CDH2: variants seen among roughly 807,000 people sequenced by gnomAD.
CDH2 encodes cadherin-2.
Under a neutral mutation model 92.0 loss-of-function variants are expected in CDH2, and 17 were observed. The ratio of observed to expected loss-of-function variants is 0.18; its 90% confidence interval spans 0.13 to 0.28. CDH2 has a LOEUF of 0.28. CDH2 is among the 10% of genes least tolerant of loss of function. The probability of loss-of-function intolerance (pLI) is 1.00; values close to 1 mark genes in which losing one functional copy is unlikely to be tolerated. For synonymous variants in CDH2, 419 were observed against 415.9 expected (o/e 1.01, Z -0.09); for missense variants, 862 against 1,133.1 (o/e 0.76, Z 3.44).
chr18:27,956,102 T>C (rs2143864338), intron 15 of CDH2, among the ~76,000 whole-genome samples: 1 of 152,312 alleles, frequency 6.6e-6, no homozygotes, highest in African/African-American at 2.4e-5. Context: ...TGAGTGAATG[T>C]ACAGAAGAAA....
chr18:28,145,070 T>C (rs745945461), intron 2 of CDH2, among the ~76,000 whole-genome samples: 31 of 152,248 alleles, frequency 2.0e-4, no homozygotes, highest in Admixed American at 3.3e-4. Context: ...GCAAAGATTA[T>C]GTTAATTGTT....
At chr18:27,967,358 A>G (rs1319502679) in intron 14 of CDH2, among the ~76,000 whole-genome samples, 1 of 152,194 alleles carries the variant, frequency 6.6e-6, no homozygotes, top group Non-Finnish European at 1.5e-5. Flanking sequence ...ACGCTCCCTA[A>G]TTATACATCT....
intron 2 of CDH2, 80 bp from the exon 3 acceptor site, chr18:28,013,989 TCCTG>T: frequency 1.1e-6 from 1 of 911,138 alleles, no homozygotes; most frequent in Non-Finnish European, 1.7e-6. Context: ...TAAACCTATA[TCCTG>T]CTTAGGTTAA....
chr18:28,135,638 A>G (rs1272766305), intron 2 of CDH2, among the ~76,000 whole-genome samples: 2 of 152,228 alleles, frequency 1.3e-5, no homozygotes, highest in Admixed American at 6.5e-5. Flanking sequence ...TTCTGCATCA[A>G]TAGAATATAG....
intron 2 of CDH2, among the ~76,000 whole-genome samples, chr18:28,025,000 T>C (rs546432532): frequency 6.6e-6 from 1 of 152,290 alleles, no homozygotes; most frequent in African/African-American, 2.4e-5. Context: ...ACTTCTATTT[T>C]AGAATAGTGA....
intron 15 of CDH2, among the ~76,000 whole-genome samples, chr18:27,953,558 G>A (rs1262778035): frequency 1.3e-5 from 2 of 152,128 alleles, no homozygotes; most frequent in Non-Finnish European, 2.9e-5. Flanking sequence ...CAATACACAT[G>A]CATTTTATGA....
chr18:28,066,445 A>G (rs1469864404), intron 2 of CDH2, among the ~76,000 whole-genome samples: 5 of 152,138 alleles, frequency 3.3e-5, no homozygotes, highest in Admixed American at 3.3e-4. Context: ...TTAAGAATTA[A>G]TTTTCAGAAT....
chr18:28,117,971 T>C (rs914818546), intron 2 of CDH2, among the ~76,000 whole-genome samples: 2 of 152,120 alleles, frequency 1.3e-5, no homozygotes, highest in African/African-American at 4.8e-5. Context: ...CTTAAGGGCT[T>C]CATCTGACTT....
chr18:28,173,693 C>G (rs2016496823), intron 1 of CDH2, among the ~76,000 whole-genome samples: 1 of 152,064 alleles, frequency 6.6e-6, no homozygotes, highest in Non-Finnish European at 1.5e-5. Context: ...CTAGATGCCC[C>G]ATAACCCATA....
intron 2 of CDH2, among the ~76,000 whole-genome samples, chr18:28,118,942 A>C (rs1161382074): frequency 6.6e-6 from 1 of 152,112 alleles, no homozygotes; most frequent in Non-Finnish European, 1.5e-5. Context: ...ATCTCTAATT[A>C]AATAGACATA....
chr18:27,993,635 T>C lies in CDH2; in HGVS notation c.1023A>G (p.Lys341=), dbSNP rs760831255. 8.1e-6 allele frequency: 13 copies of C among 1,606,318 alleles called. No homozygotes were observed. In the African/African-American group the frequency reaches 1.1e-4, roughly 13 times the overall value. The change falls in exon 8 of 16, where the codon AAA becomes AAG. Residue 341 remains lysine (K), a splice_region_variant and synonymous_variant. Transcript: ENST00000269141. ...GAATTATTAACGTATACTGTTGCACTTTCTAAAAAGACATAAAGATAAGAA... is the reference window on the plus strand; with the variant it reads ...GAATTATTAACGTATACTGTTGCACCTTCTAAAAAGACATAAAGATAAGAA... ...ITVAAGLDRE[K]VQQYTLIIQA...
At position 27,990,264 on chromosome 18, in the gene CDH2, G is replaced by C. The variant is rs1628684; in HGVS notation, c.1431C>G (p.Pro477=). The change falls in exon 10 of 16, where the codon CCC becomes CCG. Residue 477 remains proline, a synonymous_variant. Transcript: ENST00000269141. ...QVPLAKGIQH[P]PQSTATVSVT... The stretch of plus-strand genomic sequence containing the variant: ...CAGACACGGTTGCAGTTGACTGAGG[G>C]GGGTGCTGAATTCCCTTGGCTAATG... 1 allele frequency: 1,612,387 copies of C among 1,614,088 alleles called. 805,368 individuals are homozygous for C. The highest frequency in any genetic ancestry group is 1 in the East Asian group (44,867 of 44,868).
chr18:28,160,758 G>A (rs901692147), intron 1 of CDH2, among the ~76,000 whole-genome samples: 2 of 152,182 alleles, frequency 1.3e-5, no homozygotes, highest in Admixed American at 1.3e-4. Context: ...CGAAGGGAAA[G>A]TCTCAAAGGG....
rs145906757 is a variant in CDH2 at position 28,058,352 on chromosome 18, C to T, written c.173-44443G>A. Among the ~76,000 whole-genome samples the T allele has an allele frequency of 1.0e-3, 153 of 152,276 alleles. 1 individual carries two copies. In the East Asian group the frequency reaches 0.012, roughly 12 times the overall value. On this transcript the variant is annotated intron_variant, in intron 2 of 15. Coordinates refer to ENST00000269141, the MANE Select transcript of CDH2 (RefSeq NM_001792.5). ...GAGAGAGACAGAGAGAGAGACTGCT[C>T]TTGAATCCCAGTGGGAGGGACCATA... is the stretch of plus-strand genomic sequence containing the variant.
At chr18:28,144,933 G>A (rs2016012173) in intron 2 of CDH2, among the ~76,000 whole-genome samples, 1 of 151,972 alleles carries the variant, frequency 6.6e-6, no homozygotes, top group Admixed American at 6.6e-5. Context: ...AGGGAAATGG[G>A]GAGGAAAGAA....
intron 4 of CDH2, among the ~76,000 whole-genome samples, chr18:28,010,382 G>A (rs915536255): frequency 1.3e-5 from 2 of 152,078 alleles, no homozygotes; most frequent in Admixed American, 6.5e-5. Flanking sequence ...TGTTCATTGC[G>A]CACCAAAGCT....
rs2016533584 is a variant in CDH2, at chr18:28,175,957, T to C, written c.60+1006A>G. ...CCGGCCGAGGCTGTGTGAAGTGGCC[T>C]CCAGGCCTGGGCTGGCTGGTCGGGA... On this transcript the variant is annotated intron_variant, in intron 1 of 15. Coordinates refer to ENST00000269141, the MANE Select transcript of CDH2 (RefSeq NM_001792.5). 2.0e-5 allele frequency among the ~76,000 whole-genome samples: 3 copies of C among 152,136 alleles called. No homozygotes were observed. In the South Asian group the frequency reaches 6.2e-4, roughly 31 times the overall value.
chr18:28,101,909 C>T (rs1029116410), intron 2 of CDH2, among the ~76,000 whole-genome samples: 1 of 152,198 alleles, frequency 6.6e-6, no homozygotes, highest in Admixed American at 6.6e-5. Context: ...TAACCACTTG[C>T]GCACCTGTTT....
chr18:28,161,635 T>C (rs1015827741), intron 1 of CDH2, among the ~76,000 whole-genome samples: 1 of 145,904 alleles, frequency 6.9e-6, no homozygotes, highest in Non-Finnish European at 1.5e-5. Flanking sequence ...CTTCAAGAAG[T>C]TGGGAATAAG....
Sources: gnomAD v4.1 joint callset for allele counts (sites outside exome capture counted in the v4.1 genomes callset) on GRCh38, gnomAD v4.1.1 for gene constraint, MANE v1.5 for transcripts, NCBI Gene and HGNC (gene_info 2026-07-23, HGNC 2026-07-21) for gene names.